The following SYTL3 variants were observed in gnomAD, a reference collection of about 807,000 sequenced individuals.
SYTL3 encodes the protein synaptotagmin like 3, also known as synaptotagmin-like protein 3.
In SYTL3, 88 loss-of-function variants were observed where a neutral mutation model predicts 82.1. That is an observed-to-expected ratio of 1.07 (90% confidence interval 0.90 to 1.28). SYTL3 has a LOEUF of 1.28. SYTL3 is among the 50% of genes most tolerant of loss of function. The pLI, the probability that SYTL3 is intolerant of heterozygous loss-of-function variation, is 0.00. For missense variants in SYTL3, 831 were observed against 757.6 expected (o/e 1.10, Z -1.14); for synonymous variants, 311 against 289.4 (o/e 1.07, Z -0.76).
chr6:158,659,144 C>G (rs867906934), intron 2 of SYTL3, among the ~76,000 whole-genome samples: 1 of 152,178 alleles, frequency 6.6e-6, no homozygotes, highest in Non-Finnish European at 1.5e-5. Context: ...ACACATACCT[C>G]GAGTTCTCTA....
chr6:158,724,539 A>G (rs1419906615), intron 10 of SYTL3, among the ~76,000 whole-genome samples: 1 of 152,226 alleles, frequency 6.6e-6, no homozygotes, highest in Non-Finnish European at 1.5e-5. Flanking sequence ...ACTTTTCTGC[A>G]GGGATGGGAA....
rs1035538710 is a variant in SYTL3, at chr6:158,665,424, G to T, written c.140G>T (p.Arg47Leu). 6.2e-7 allele frequency: 1 copy of T among 1,604,380 alleles called. No individual in the cohort carries two copies. Residue 47 changes from arginine to leucine, a missense_variant, in exon 5 of 18, where the codon CGG becomes CTG. By Grantham distance (102) the Arg-to-Leu change is moderately radical. Coordinates refer to ENST00000611299, the MANE Select transcript of SYTL3 (RefSeq NM_001242394.2). ...CTGAAAACACACCTGCAGCATCTCCGGTGGAAAGGAGCGAAGAACACGGAC... is the reference window on the plus strand; with the variant it reads ...CTGAAAACACACCTGCAGCATCTCCTGTGGAAAGGAGCGAAGAACACGGAC... ...RKLKTHLQHL[R>L]WKGAKNTDWE...
At chr6:158,657,766 C>G (rs1230396986) in intron 2 of SYTL3, among the ~76,000 whole-genome samples, 1 of 152,072 alleles carries the variant, frequency 6.6e-6, no homozygotes, top group African/African-American at 2.4e-5. Context: ...ATTCCAGTAC[C>G]ATAAGCAATG....
At chr6:158,737,945 T>C (rs1426782281) in intron 11 of SYTL3, among the ~76,000 whole-genome samples, 3 of 152,218 alleles carry the variant, frequency 2.0e-5, no homozygotes, top group African/African-American at 7.2e-5. Context: ...TGTGATGCAA[T>C]TTGGGGCATG....
intron 6 of SYTL3, among the ~76,000 whole-genome samples, chr6:158,701,150 G>GT (rs200589591): frequency 7.1e-6 from 1 of 141,306 alleles, no homozygotes; most frequent in East Asian, 2.0e-4. Context: ...TCATGGAGGA[G>GT]GTGAGCTGGG....
intron 13 of SYTL3, among the ~76,000 whole-genome samples, chr6:158,752,422 A>G (rs1255823861): frequency 1.3e-5 from 2 of 152,214 alleles, no homozygotes; most frequent in African/African-American, 4.8e-5. Flanking sequence ...CTCCTGAGTT[A>G]CTGTCTTTGT....
chr6:158,707,047 A>C (rs7774622), intron 6 of SYTL3, among the ~76,000 whole-genome samples, 183 bp from the exon 7 acceptor site: 23,840 of 152,206 alleles, frequency 0.16, 2,957 homozygotes, highest in African/African-American at 0.35. Context: ...GTAAATTTAC[A>C]AAGTTGTACA....
chr6:158,672,629 TTTTAA>T (rs993806703), intron 5 of SYTL3, among the ~76,000 whole-genome samples: 1 of 151,804 alleles, frequency 6.6e-6, no homozygotes, highest in Non-Finnish European at 1.5e-5. Context: ...TTTTTAATTT[TTTTAA>T]TTTAATTTTT....
intron 5 of SYTL3, among the ~76,000 whole-genome samples, chr6:158,668,589 G>A (rs1406901932): frequency 6.6e-6 from 1 of 152,202 alleles, no homozygotes; most frequent in Non-Finnish European, 1.5e-5. Flanking sequence ...GCTGGAGCCT[G>A]AGCATGTGCT....
chr6:158,677,253 G>A (rs1279075555), intron 5 of SYTL3, among the ~76,000 whole-genome samples: 3 of 152,150 alleles, frequency 2.0e-5, no homozygotes, highest in Admixed American at 2.0e-4. Flanking sequence ...CATGTCCTTT[G>A]TAGGGACATG....
At chr6:158,764,288 A>AG (rs1354551699) in intron 17 of SYTL3, among the ~76,000 whole-genome samples, 1 of 152,208 alleles carries the variant, frequency 6.6e-6, no homozygotes, top group Non-Finnish European at 1.5e-5. Context: ...AGAGCCTCGC[A>AG]GAGCAGAGGA....
rs1231360814 is a variant in SYTL3 at position 158,736,351 on chromosome 6, C to CA, written c.856-9122dup. On this transcript the variant is annotated intron_variant, in intron 11 of 17. Transcript: ENST00000611299. ...GGGCGACAAAGCGAGACTCCTGTCT[C>CA]AAAAAAAGAAAAACTGTCAACAACC... Among the ~76,000 whole-genome samples, 11 of 150,980 alleles carry CA rather than the reference C, an allele frequency of 7.3e-5. No individual in the cohort carries two copies. The East Asian group carries it at 2.1e-3, about 29-fold the overall frequency.
chr6:158,755,199 C>T (rs1056435343), intron 13 of SYTL3, among the ~76,000 whole-genome samples: 11 of 152,184 alleles, frequency 7.2e-5, no homozygotes, highest in East Asian at 1.9e-4. Context: ...AAAGATTAGC[C>T]GGGCATGGCG....
chr6:158,744,304 C>CTTTTTTTTTTTT (rs869182913), intron 11 of SYTL3, among the ~76,000 whole-genome samples: 19 of 99,206 alleles, frequency 1.9e-4, no homozygotes, highest in South Asian at 7.0e-4. Context: ...CTTTTTCTTT[C>CTTTTTTTTTTTT]TTTTTTTTTT....
chr6:158,739,509 T>G (rs1342439261), intron 11 of SYTL3, among the ~76,000 whole-genome samples: 1 of 152,218 alleles, frequency 6.6e-6, no homozygotes, highest in Non-Finnish European at 1.5e-5. Context: ...GCCCGATTTT[T>G]CTCTATATGA....
chr6:158,742,567 ATTTTTTTTTTTTTGC>A (rs1787070753), intron 11 of SYTL3, among the ~76,000 whole-genome samples: 2 of 144,490 alleles, frequency 1.4e-5, no homozygotes, highest in African/African-American at 5.1e-5. Flanking sequence ...TGCTGGAAGC[ATTTTTTTTTTTTTGC>A]TTTTTTTTTT....
At chr6:158,725,888 C>A in intron 11 of SYTL3, 2 of 701,646 alleles carry the variant, frequency 2.9e-6, no homozygotes, top group Non-Finnish European at 2.6e-6. Flanking sequence ...ATCCACTCCA[C>A]CAGTGCTCTG....
intron 17 of SYTL3, 78 bp from the exon 18 acceptor site, chr6:158,764,415 GGT>G: frequency 9.2e-7 from 1 of 1,087,246 alleles, no homozygotes; most frequent in South Asian, 1.4e-5. Flanking sequence ...ACTTCTGGCT[GGT>G]CATCATTTTT....
At chr6:158,715,639 A>ACCCCCCCCCCCCC (rs71030193) in intron 9 of SYTL3, among the ~76,000 whole-genome samples, 2 of 92,996 alleles carry the variant, frequency 2.2e-5, no homozygotes, top group African/African-American at 4.7e-5. Flanking sequence ...CACCCCCCAT[A>ACCCCCCCCCCCCC]CCCCCCCACC....
Sources: allele counts gnomAD v4.1 joint callset (sites outside exome capture counted in the v4.1 genomes callset), GRCh38; gene constraint gnomAD v4.1.1; transcripts MANE v1.5; gene names NCBI Gene and HGNC (gene_info 2026-07-23, HGNC 2026-07-21).